The following SMAD9 variants were observed in gnomAD, a reference collection of about 807,000 sequenced individuals.
SMAD9 encodes the protein MAD homolog 9.
SMAD9 carries 36 observed loss-of-function variants against 46.1 expected under a neutral mutation model. The observed-to-expected ratio is 0.78, with a 90% CI of 0.60 to 1.03. SMAD9 has a LOEUF of 1.03. SMAD9 is among the 50% of genes least tolerant of loss of function. The pLI, the probability that SMAD9 is intolerant of heterozygous loss-of-function variation, is 0.00. For missense variants in SMAD9, 572 were observed against 599.8 expected (o/e 0.95, Z 0.48); for synonymous variants, 245 against 237.1 (o/e 1.03, Z -0.31).
chr13:36,883,932 T>C (rs956853609), intron 1 of SMAD9, among the ~76,000 whole-genome samples: 2 of 152,080 alleles, frequency 1.3e-5, no homozygotes, highest in Non-Finnish European at 2.9e-5. Flanking sequence ...CCCTCCTCAT[T>C]TGCAGATCAA....
intron 6 of SMAD9, among the ~76,000 whole-genome samples, 200 bp from the exon 7 acceptor site, chr13:36,849,019 C>T (rs2058054252): frequency 6.6e-6 from 1 of 152,240 alleles, no homozygotes; most frequent in Admixed American, 6.5e-5. Flanking sequence ...GAATCCAAAT[C>T]AGTGCATTCC....
chr13:36,853,749 C>A, intron 5 of SMAD9, 74 bp from the exon 6 acceptor site: 1 of 1,513,322 alleles, frequency 6.6e-7, no homozygotes, highest in South Asian at 1.1e-5. Context: ...TCCTGAAACC[C>A]TAGGAGATGT....
chr13:36,861,309 TA>T (rs1253041001), intron 5 of SMAD9, among the ~76,000 whole-genome samples: 1 of 152,128 alleles, frequency 6.6e-6, no homozygotes, highest in Non-Finnish European at 1.5e-5. Context: ...TCATTAACTA[TA>T]ATAAAAAGAA....
chr13:36,852,831 T>TCCTG (rs1419705573), intron 6 of SMAD9, among the ~76,000 whole-genome samples: 1 of 152,218 alleles, frequency 6.6e-6, no homozygotes, highest in African/African-American at 2.4e-5. Context: ...GTTGCACTAG[T>TCCTG]CCTGTAAAAT....
chr13:36,860,610 C>T (rs1024048559), intron 5 of SMAD9, among the ~76,000 whole-genome samples: 1 of 151,838 alleles, frequency 6.6e-6, no homozygotes, highest in African/African-American at 2.4e-5. Flanking sequence ...CCACCACGCC[C>T]GGCTAATTTT....
rs991186626 is a variant in SMAD9, at chr13:36,845,133, T to TATAC, written c.*3542_*3543insGTAT. ...GTGTGTGTATATATATATATATATA[T>TATAC]ACACACTAAATATTTGGGACACAAA... is the stretch of plus-strand genomic sequence containing the variant. On this transcript the variant is annotated 3_prime_UTR_variant, in exon 7 of 7. Coordinates refer to ENST00000379826, the MANE Select transcript of SMAD9 (RefSeq NM_001127217.3). 5 of 148,218 alleles carry TATAC rather than the reference T, an allele frequency of 3.4e-5. No homozygotes were observed. The highest frequency in any genetic ancestry group is 2.7e-4 in the Admixed American group (4 of 14,732). 9.2% of individuals were successfully genotyped at this position (148,218 alleles called of 1,614,324 possible).
In SMAD9 at chr13:36,848,365, C is replaced by A; in HGVS notation, c.*311G>T. 2.8e-6 allele frequency: 1 copy of A among 359,544 alleles called. No individual in the cohort carries two copies. Among genetic ancestry groups the A allele is most frequent in the South Asian group, 2.9e-5 (1 of 34,590 alleles). The allele number at this position is 359,544 out of a possible 1,614,324, so 22.3% of individuals were successfully genotyped here. Reference sequence around the variant, plus strand: ...CACAACATGCTTTATAATGACACGGCTGACTAAAGCTGTCTTTTATTCTGC... The same window carrying A: ...CACAACATGCTTTATAATGACACGGATGACTAAAGCTGTCTTTTATTCTGC... On this transcript the variant is annotated 3_prime_UTR_variant, in exon 7 of 7. Transcript: ENST00000379826.
intron 5 of SMAD9, among the ~76,000 whole-genome samples, chr13:36,855,196 C>T (rs1260318314): frequency 2.2e-5 from 3 of 137,384 alleles, no homozygotes; most frequent in Non-Finnish European, 3.0e-5. Context: ...CTGCAGTGAG[C>T]GAAGATCACG....
At chr13:36,907,731 C>T (rs1379175344) in intron 1 of SMAD9, among the ~76,000 whole-genome samples, 1 of 152,112 alleles carries the variant, frequency 6.6e-6, no homozygotes, top group Non-Finnish European at 1.5e-5. Context: ...TATTTTATCA[C>T]AATAAAGGAA....
chr13:36,890,784 T>C (rs1253430348), intron 1 of SMAD9, among the ~76,000 whole-genome samples: 1 of 151,816 alleles, frequency 6.6e-6, no homozygotes, highest in Non-Finnish European at 1.5e-5. Context: ...GTACCCTCTC[T>C]CCCTTTCTCT....
chr13:36,868,437 A>G (rs2058256894), intron 3 of SMAD9, among the ~76,000 whole-genome samples: 1 of 152,296 alleles, frequency 6.6e-6, no homozygotes, highest in Admixed American at 6.5e-5. Context: ...AAATATGTCT[A>G]TTTACTCAAG....
At chr13:36,872,951 A>G (rs1166674285) in intron 2 of SMAD9, 36 bp from the exon 3 acceptor site, 5 of 1,612,344 alleles carry the variant, frequency 3.1e-6, no homozygotes, top group Non-Finnish European at 4.2e-6. Flanking sequence ...TTAGAATTGA[A>G]CATTGCTCAT....
At chr13:36,882,348 T>G (rs945211149) in intron 1 of SMAD9, among the ~76,000 whole-genome samples, 1 of 152,040 alleles carries the variant, frequency 6.6e-6, no homozygotes. Flanking sequence ...AAAGCACTAC[T>G]CCTAAACCAT....
chr13:36,879,461 C>A lies in SMAD9; in HGVS notation c.229G>T (p.Gly77Trp). 2 of 1,613,804 alleles carry A rather than the reference C, an allele frequency of 1.2e-6. No individual in the cohort carries two copies. Among genetic ancestry groups the A allele is most frequent in the Non-Finnish European group, 1.7e-6 (2 of 1,180,032 alleles). Residue 77 changes from glycine (G) to tryptophan (W), a missense_variant, in exon 2 of 7, where the codon GGG (glycine) becomes TGG (tryptophan). By Grantham distance (184) the Gly-to-Trp change is radical (BLOSUM62 -2). Coordinates refer to ENST00000379826, the MANE Select transcript of SMAD9 (RefSeq NM_001127217.3). ...KCVTIPRSLD[G>W]RLQVSHRKGL... is the part of the protein sequence containing the mutation. ...TTGCGGTGGGACACCTGCAGCCGCC[C>A]GTCCAGGGAGCGGGGAATCGTGACG...
At chr13:36,884,638 C>G (rs1011145798) in intron 1 of SMAD9, among the ~76,000 whole-genome samples, 1 of 152,158 alleles carries the variant, frequency 6.6e-6, no homozygotes, top group African/African-American at 2.4e-5. Context: ...GGCTGGGTAA[C>G]AGTACAGGAG....
At chr13:36,855,510 T>C (rs1159309487) in intron 5 of SMAD9, among the ~76,000 whole-genome samples, 1 of 152,176 alleles carries the variant, frequency 6.6e-6, no homozygotes, top group Non-Finnish European at 1.5e-5. Context: ...TCAATGTGAT[T>C]ATACATATGA....
At chr13:36,914,757 T>G (rs75295149) in intron 1 of SMAD9, among the ~76,000 whole-genome samples, 4,735 of 152,286 alleles carry the variant, frequency 0.031, 234 homozygotes, top group African/African-American at 0.11. Flanking sequence ...AATGTGGTAC[T>G]ACCAAGTCAG....
chr13:36,919,762 C>T (rs2038997467), intron 1 of SMAD9, among the ~76,000 whole-genome samples: 1 of 151,078 alleles, frequency 6.6e-6, no homozygotes, highest in Admixed American at 6.6e-5. Flanking sequence ...GATGCAGGCG[C>T]GAGGAAGGCG....
At chr13:36,871,821 T>C (rs2058298292) in intron 3 of SMAD9, among the ~76,000 whole-genome samples, 2 of 152,216 alleles carry the variant, frequency 1.3e-5, no homozygotes, top group South Asian at 4.1e-4. Flanking sequence ...TAATTCCCCT[T>C]TCAGCAATCC....
Sources: allele counts gnomAD v4.1 joint callset (sites outside exome capture counted in the v4.1 genomes callset), GRCh38; gene constraint gnomAD v4.1.1; transcripts MANE v1.5; gene names NCBI Gene and HGNC (gene_info 2026-07-23, HGNC 2026-07-21).